The following FANK1 variants were observed in gnomAD, a reference collection of about 807,000 sequenced individuals.
FANK1 encodes the protein fibronectin type 3 and ankyrin repeat domains protein 1.
Under a neutral mutation model 45.3 loss-of-function variants are expected in FANK1, and 44 were observed. The ratio of observed to expected loss-of-function variants is 0.97; its 90% confidence interval spans 0.76 to 1.25. FANK1 has a LOEUF of 1.25. Among genes scored for constraint, FANK1 ranks in the 50% most tolerant of loss-of-function variants. FANK1 has a pLI of 0.00. For synonymous variants in FANK1, 149 were observed against 152.5 expected (o/e 0.98, Z 0.17); for missense variants, 391 against 424.4 (o/e 0.92, Z 0.69).
chr10:126,006,475 C>T (rs1953211736), intron 7 of FANK1, among the ~76,000 whole-genome samples: 1 of 152,190 alleles, frequency 6.6e-6, no homozygotes, highest in African/African-American at 2.4e-5. Flanking sequence ...CAGCCACACA[C>T]TCCTTGATTG....
chr10:125,913,937 C>T (rs1946236858), intron 1 of FANK1, among the ~76,000 whole-genome samples: 1 of 152,090 alleles, frequency 6.6e-6, no homozygotes, highest in Admixed American at 6.6e-5. Context: ...ACAGATGGAT[C>T]AGCTAAATGA....
intron 6 of FANK1, among the ~76,000 whole-genome samples, chr10:125,998,892 T>C (rs929826051): frequency 6.6e-6 from 1 of 152,200 alleles, no homozygotes; most frequent in Admixed American, 6.5e-5. Flanking sequence ...AGTGAACCTG[T>C]TCAGATTTTC....
Position 125,980,717 on chromosome 10 carries a change from A to T in FANK1, c.191+379A>T, listed in dbSNP as rs1168209657. 2.1e-5 allele frequency: 4 copies of T among 191,210 alleles called. 1 individual carries two copies. Among genetic ancestry groups the T allele is most frequent in the African/African-American group, 9.5e-5 (4 of 42,000 alleles). 11.8% of individuals were successfully genotyped at this position (191,210 alleles called of 1,614,324 possible). ...GCTAGCTTCTCTGATCTCATGTCATACCATTGTCCCCTTGTCAACTCTCTT... is the reference window on the plus strand; with the variant it reads ...GCTAGCTTCTCTGATCTCATGTCATTCCATTGTCCCCTTGTCAACTCTCTT... On this transcript the variant is annotated intron_variant, in intron 2 of 10. Transcript: ENST00000368693.
chr10:125,945,340 C>A (rs935284261), intron 1 of FANK1, among the ~76,000 whole-genome samples: 1 of 152,130 alleles, frequency 6.6e-6, no homozygotes, highest in African/African-American at 2.4e-5. Flanking sequence ...TCTGAGGTAC[C>A]GGGTTTGTCT....
rs528233272 is a variant in FANK1 at position 125,916,845 on chromosome 10, C to T, written c.13+20190C>T. Among the ~76,000 whole-genome samples the T allele has an allele frequency of 6.6e-4, 100 of 152,286 alleles. 1 individual carries two copies. The South Asian group carries it at 0.02, about 31-fold the overall frequency. On this transcript the variant is annotated intron_variant, in intron 1 of 10. Transcript: ENST00000368693. ...GACAGGAAGAACACTCTGACCTTCCCACCCTCTTCTCTGACGCAGGTCACA... is the reference window on the plus strand; with the variant it reads ...GACAGGAAGAACACTCTGACCTTCCTACCCTCTTCTCTGACGCAGGTCACA...
intron 1 of FANK1, among the ~76,000 whole-genome samples, chr10:125,932,150 T>C (rs1054506325): frequency 6.6e-6 from 1 of 152,200 alleles, no homozygotes; most frequent in African/African-American, 2.4e-5. Context: ...TCCAGATTTG[T>C]TCTTTTTGCT....
intron 1 of FANK1, among the ~76,000 whole-genome samples, chr10:125,944,768 C>T (rs1350194949): frequency 6.6e-6 from 1 of 152,244 alleles, no homozygotes; most frequent in African/African-American, 2.4e-5. Context: ...TAATTCGGCC[C>T]ATCCCTTCCT....
At chr10:125,995,347 G>A in intron 3 of FANK1, 70 bp from the exon 4 acceptor site, 1 of 1,427,538 alleles carries the variant, frequency 7.0e-7, no homozygotes, top group Middle Eastern at 1.8e-4. Flanking sequence ...AAGGCCACAG[G>A]AGGACGATGG....
chr10:125,988,585 G>T lies in FANK1; in HGVS notation c.226G>T (p.Glu76Ter). Reference sequence around the variant, plus strand: ...AACGAAGCATGTTGTTGAAGGTCTGGAACCAAGGACGCTGTACAGATTTCG... The same window carrying T: ...AACGAAGCATGTTGTTGAAGGTCTGTAACCAAGGACGCTGTACAGATTTCG... Reference protein sequence around the residue: ...YATKHVVEGLEPRTLYRFRLK... With the variant: ...YATKHVVEGL The change falls in exon 3 of 11, where the codon GAA becomes TAA. Residue 76 changes from glutamate (E) to a stop codon, truncating the protein, a stop_gained. Coordinates refer to ENST00000368693, the MANE Select transcript of FANK1 (RefSeq NM_145235.5). LOFTEE classifies it high-confidence loss of function. 1 of 1,614,206 alleles carries T rather than the reference G, an allele frequency of 6.2e-7. No individual in the cohort carries two copies. The highest frequency in any genetic ancestry group is 1.7e-5 in the Admixed American group (1 of 60,026).
intron 7 of FANK1, among the ~76,000 whole-genome samples, chr10:126,006,330 A>T (rs1323727466): frequency 6.6e-6 from 1 of 152,196 alleles, no homozygotes; most frequent in African/African-American, 2.4e-5. Flanking sequence ...GCCCCCTTAT[A>T]GGAAAAATCT....
chr10:125,996,547 A>G lies in FANK1; in HGVS notation c.399-3A>G. The G allele has an allele frequency of 6.2e-7, 1 of 1,613,950 alleles. No individual in the cohort carries two copies. Among genetic ancestry groups the G allele is most frequent in the South Asian group, 1.1e-5 (1 of 91,048 alleles). On this transcript the variant is annotated splice_polypyrimidine_tract_variant and splice_region_variant and intron_variant, in intron 4 of 10. Coordinates refer to ENST00000368693, the MANE Select transcript of FANK1 (RefSeq NM_145235.5). ...TTTATCTCTTTTCTCTGCTTTTCCC[A>G]AGCCGTGTTAAGGTTGATGTTCCCA...
intron 7 of FANK1, among the ~76,000 whole-genome samples, chr10:126,006,576 G>T (rs11244765): frequency 0.62 from 94,999 of 152,126 alleles, 30,442 homozygotes; most frequent in East Asian, 0.77. Context: ...GTCAAGCATC[G>T]GGGCCGGGCA....
At chr10:125,994,620 CTTAA>C (rs1281834401) in intron 3 of FANK1, 18 of 985,234 alleles carry the variant, frequency 1.8e-5, no homozygotes, top group Non-Finnish European at 2.2e-5. Context: ...TTCATTTAAG[CTTAA>C]TTGTGATACT....
intron 6 of FANK1, among the ~76,000 whole-genome samples, chr10:126,002,247 G>A (rs1590239318): frequency 1.3e-5 from 2 of 152,164 alleles, no homozygotes; most frequent in African/African-American, 4.8e-5. Context: ...AGGAGGCGGA[G>A]GTTGCAGTGA....
chr10:125,966,679 C>T (rs1055030370), intron 1 of FANK1, among the ~76,000 whole-genome samples: 1 of 152,188 alleles, frequency 6.6e-6, no homozygotes, highest in African/African-American at 2.4e-5. Flanking sequence ...TGAAGTGTCT[C>T]ATGCTTTGAA....
chr10:125,909,350 G>C (rs1271804822), intron 1 of FANK1, among the ~76,000 whole-genome samples: 3 of 151,956 alleles, frequency 2.0e-5, no homozygotes, highest in Admixed American at 2.0e-4. Flanking sequence ...CTGGAATACT[G>C]TTTTCAAAGA....
chr10:125,934,628 C>T (rs1291251814), intron 1 of FANK1, among the ~76,000 whole-genome samples: 6 of 149,988 alleles, frequency 4.0e-5, no homozygotes, highest in Middle Eastern at 3.5e-3. Context: ...TGATGAGAGC[C>T]GCTGCCATTT....
At position 125,988,562 on chromosome 10, in the gene FANK1, C is replaced by G; in HGVS notation, c.203C>G (p.Thr68Arg). The G allele has an allele frequency of 6.2e-7, 1 of 1,614,116 alleles. No individual in the cohort carries two copies. Among genetic ancestry groups the G allele is most frequent in the South Asian group, 1.1e-5 (1 of 91,074 alleles). The part of the protein sequence containing the change: ...TYGIIYTGYA[T>R]KHVVEGLEPR... ...CTCCTCCTGTCTAGGGGATATGCAA[C>G]GAAGCATGTTGTTGAAGGTCTGGAA... Residue 68 changes from threonine to arginine, a missense_variant, in exon 3 of 11, where the codon ACG becomes AGG. Physicochemically the swap from Thr to Arg is moderately conservative, Grantham distance 71. Coordinates refer to ENST00000368693, the MANE Select transcript of FANK1 (RefSeq NM_145235.5).
intron 1 of FANK1, among the ~76,000 whole-genome samples, chr10:125,978,781 G>C (rs899187767): frequency 1.3e-4 from 20 of 152,200 alleles, no homozygotes; most frequent in Non-Finnish European, 2.5e-4. Context: ...TAGCTGGCTG[G>C]AATTCCAAGC....
Sources: gnomAD v4.1 joint callset for allele counts (sites outside exome capture counted in the v4.1 genomes callset) on GRCh38, gnomAD v4.1.1 for gene constraint, MANE v1.5 for transcripts, NCBI Gene and HGNC (gene_info 2026-07-23, HGNC 2026-07-21) for gene names.